CNRIP1: variants seen among roughly 807,000 people sequenced by gnomAD.
The protein encoded by CNRIP1 is cannabinoid receptor interacting protein 1, also known as CB1 cannabinoid receptor-interacting protein 1.
In CNRIP1, 10 loss-of-function variants were observed where a neutral mutation model predicts 15.2. The ratio of observed to expected loss-of-function variants is 0.66; its 90% CI spans 0.41 to 1.12. The LOEUF (loss-of-function observed/expected upper bound fraction) is 1.12, where lower values mean the gene tolerates loss of function less well. CNRIP1 is among the 50% of genes most tolerant of loss of function. CNRIP1 has a pLI of 0.00. For missense variants in CNRIP1, 211 were observed against 214.7 expected, an observed-to-expected ratio of 0.98 and a Z score of 0.11; for synonymous variants, 91 against 83.2, an observed-to-expected ratio of 1.09 and a Z score of -0.51.
At chr2:68,316,971 T>TCATG in intron 2 of CNRIP1, 186 bp downstream of exon 2, 1 of 725,206 alleles carries the variant, frequency 1.4e-6, no homozygotes, top group Non-Finnish European at 2.5e-6. Flanking sequence ...GGTCAGTCTG[T>TCATG]CATGCAAAAG....
intron 1 of CNRIP1, among the ~76,000 whole-genome samples, chr2:68,317,829 T>C (rs937136774): frequency 1.3e-5 from 2 of 152,134 alleles, no homozygotes; most frequent in African/African-American, 4.8e-5. Context: ...CTAGAACTTC[T>C]AGGGAGAGCT....
chr2:68,317,365 G>A, intron 1 of CNRIP1, 58 bp from the exon 2 acceptor site: 1 of 1,576,134 alleles, frequency 6.3e-7, no homozygotes, highest in African/African-American at 1.3e-5. Flanking sequence ...ACCCTGTCCT[G>A]TTTTGGACCA....
At chr2:68,314,032 C>T (rs542051818) in intron 2 of CNRIP1, among the ~76,000 whole-genome samples, 1 of 152,268 alleles carries the variant, frequency 6.6e-6, no homozygotes, top group South Asian at 2.1e-4. Flanking sequence ...ATTCATCCTT[C>T]ATTTTTTCCT....
rs1382479930 is a variant in CNRIP1 at position 68,319,334 on chromosome 2, C to G, written c.67G>C (p.Val23Leu). 4 of 1,571,606 alleles carry G rather than the reference C, an allele frequency of 2.5e-6. No homozygotes were observed. The African/African-American group carries it at 5.4e-5, about 21-fold the overall frequency. ...ALRIQPNDGP[V>L]FYKVDGQRFG... Reference sequence around the variant, plus strand: ...CGCTGCCCGTCCACCTTGTAAAAGACCGGGCCGTCATTAGGCTGGATGCGC... The same window carrying G: ...CGCTGCCCGTCCACCTTGTAAAAGAGCGGGCCGTCATTAGGCTGGATGCGC... Residue 23 changes from valine to leucine, a missense_variant, in exon 1 of 3, where the codon GTC (valine) becomes CTC (leucine). Physicochemically the swap from Val to Leu is conservative, Grantham distance 32. Coordinates refer to ENST00000263655, the MANE Select transcript of CNRIP1 (RefSeq NM_015463.3).
At position 68,319,221 on chromosome 2, in the gene CNRIP1, C is replaced by T; in HGVS notation, c.179+1G>A. On this transcript the variant is annotated splice_donor_variant, in intron 1 of 2. Coordinates refer to ENST00000263655, the MANE Select transcript of CNRIP1 (RefSeq NM_015463.3). LOFTEE classifies it high-confidence loss of function. ...GCTGCCACCAGGCGCCCCGCACTCA[C>T]TCGACCTGCAGCGTGCTGGGTTTAA... 1.3e-6 allele frequency: 2 copies of T among 1,543,508 alleles called. No individual in the cohort carries two copies. The highest frequency in any genetic ancestry group is 1.7e-6 in the Non-Finnish European group (2 of 1,143,126).
rs149399358 is a variant in CNRIP1, at chr2:68,319,336, G to C, written c.65C>G (p.Pro22Arg). 1.3e-6 allele frequency: 2 copies of C among 1,573,076 alleles called. No individual in the cohort carries two copies. The highest frequency in any genetic ancestry group is 1.7e-6 in the Non-Finnish European group (2 of 1,159,174). The change falls in exon 1 of 3, where the codon CCG becomes CGG. Residue 22 changes from proline to arginine, a missense_variant. Pro to Arg is a moderately radical substitution (Grantham distance 103). Transcript: ENST00000263655. Reference sequence around the variant, plus strand: ...CTGCCCGTCCACCTTGTAAAAGACCGGGCCGTCATTAGGCTGGATGCGCAG... The same window carrying C: ...CTGCCCGTCCACCTTGTAAAAGACCCGGCCGTCATTAGGCTGGATGCGCAG... ...IALRIQPNDG[P>R]VFYKVDGQRF...
intron 2 of CNRIP1, among the ~76,000 whole-genome samples, chr2:68,307,852 C>T (rs1299682193): frequency 6.7e-6 from 1 of 149,386 alleles, no homozygotes; most frequent in Non-Finnish European, 1.5e-5. Flanking sequence ...TTAAAGTATA[C>T]AAACAATCTT....
intron 2 of CNRIP1, among the ~76,000 whole-genome samples, chr2:68,297,740 G>A (rs549625329): frequency 1.6e-4 from 24 of 152,134 alleles, no homozygotes; most frequent in Admixed American, 1.2e-3. Context: ...TCCAACATTA[G>A]GAAAATATGA....
At chr2:68,288,153 A>G (rs1671078829), downstream of CNRIP1, among the ~76,000 whole-genome samples, 1 of 152,108 alleles carries the variant, frequency 6.6e-6, no homozygotes, top group South Asian at 2.1e-4. Context: ...AGTCAGTAAG[A>G]AGATGTGGAA....
intron 2 of CNRIP1, among the ~76,000 whole-genome samples, chr2:68,309,517 A>G (rs766385959): frequency 5.9e-5 from 9 of 152,238 alleles, no homozygotes; most frequent in Non-Finnish European, 1.2e-4. Flanking sequence ...TAACCCTAAT[A>G]CCAAAATTTA....
chr2:68,300,460 T>C (rs544450796), intron 2 of CNRIP1, among the ~76,000 whole-genome samples: 1 of 151,862 alleles, frequency 6.6e-6, no homozygotes, highest in South Asian at 2.1e-4. Flanking sequence ...CTAGTAAAAA[T>C]ACAAAAATTA....
intron 2 of CNRIP1, among the ~76,000 whole-genome samples, chr2:68,310,712 T>TTA (rs200755511): frequency 3.9e-4 from 57 of 145,020 alleles, no homozygotes; most frequent in East Asian, 1.0e-3. Flanking sequence ...TGACCCATAT[T>TTA]AAAAAAAAAA....
At chr2:68,295,718 A>C (rs1671328713) in intron 2 of CNRIP1, among the ~76,000 whole-genome samples, 1 of 152,192 alleles carries the variant, frequency 6.6e-6, no homozygotes, top group Non-Finnish European at 1.5e-5. Context: ...ATCTGTGGTT[A>C]TCTAGAGCCT....
At chr2:68,290,024 C>CTTTTTT (rs35429690), downstream of CNRIP1, among the ~76,000 whole-genome samples, 10 of 89,644 alleles carry the variant, frequency 1.1e-4, no homozygotes, top group Non-Finnish European at 1.5e-4. Flanking sequence ...AGAATCTGAA[C>CTTTTTT]TTTTTTTTTT....
chr2:68,296,564 A>ATGTGTGTGTG (rs140524601), intron 2 of CNRIP1, among the ~76,000 whole-genome samples: 15,117 of 151,036 alleles, frequency 0.1, 822 homozygotes, highest in Middle Eastern at 0.21. Context: ...ATATATGTGT[A>ATGTGTGTGTG]TGTGTGTGTG....
At chr2:68,314,800 AG>A (rs1359589053) in intron 2 of CNRIP1, among the ~76,000 whole-genome samples, 9 of 152,216 alleles carry the variant, frequency 5.9e-5, no homozygotes, top group Admixed American at 5.2e-4. Flanking sequence ...GGAGAAGCAT[AG>A]ATTATTTAAA....
At chr2:68,284,333 C>T in exon 3 of CNRIP1, 1 of 718,410 alleles carries the variant, frequency 1.4e-6, no homozygotes, top group Non-Finnish European at 2.1e-6. Flanking sequence ...TTCTGATGGC[C>T]TGTGAGAAGC....
chr2:68,303,585 A>G (rs1396837358), intron 2 of CNRIP1, among the ~76,000 whole-genome samples: 2 of 152,226 alleles, frequency 1.3e-5, no homozygotes, highest in Admixed American at 1.3e-4. Flanking sequence ...AAGAAGATTA[A>G]TTCAAACAGT....
chr2:68,311,788 A>G (rs1200365596), intron 2 of CNRIP1, among the ~76,000 whole-genome samples: 17 of 151,246 alleles, frequency 1.1e-4, no homozygotes, highest in African/African-American at 2.4e-4. Context: ...GGAAAAAAAA[A>G]AAAAAAAAAA....
Sources: allele counts gnomAD v4.1 joint callset (sites outside exome capture counted in the v4.1 genomes callset), GRCh38; gene constraint gnomAD v4.1.1; transcripts MANE v1.5; gene names NCBI Gene and HGNC (gene_info 2026-07-23, HGNC 2026-07-21).